C8orf34: variants seen among roughly 807,000 people sequenced by gnomAD.
The protein encoded by C8orf34 is chromosome 8 open reading frame 34.
In C8orf34, 65 loss-of-function variants were observed where a neutral mutation model predicts 68.3. That is an observed-to-expected ratio of 0.95 (90% CI 0.78 to 1.17). The LOEUF (loss-of-function observed/expected upper bound fraction) is 1.17. Among genes scored for constraint, C8orf34 ranks in the 50% most tolerant of loss-of-function variants. The probability of loss-of-function intolerance (pLI) is 0.00; values close to 1 mark genes in which losing one functional copy is unlikely to be tolerated. For synonymous variants in C8orf34, 244 were observed against 241.2 expected, an observed-to-expected ratio of 1.01 and a Z score of -0.11; for missense variants, 664 against 655.4, an observed-to-expected ratio of 1.01 and a Z score of -0.14.
At chr8:68,790,605 G>A (rs1406786407) in intron 12 of C8orf34, among the ~76,000 whole-genome samples, 2 of 151,124 alleles carry the variant, frequency 1.3e-5, no homozygotes, top group Non-Finnish European at 2.9e-5. Flanking sequence ...CTTTTTATAA[G>A]CAAGATAAGC....
At chr8:68,465,174 T>C (rs1812056490) in intron 3 of C8orf34, among the ~76,000 whole-genome samples, 1 of 151,950 alleles carries the variant, frequency 6.6e-6, no homozygotes, top group African/African-American at 2.4e-5. Context: ...AGAAGACAAT[T>C]ATGCAGCCAA....
chr8:68,434,219 T>A (rs933597843), intron 1 of C8orf34, among the ~76,000 whole-genome samples: 5 of 152,220 alleles, frequency 3.3e-5, no homozygotes, highest in Non-Finnish European at 5.9e-5. Flanking sequence ...GGTGATTTGC[T>A]GTACCTATCA....
At chr8:68,716,311 GA>G (rs1821471201) in intron 9 of C8orf34, among the ~76,000 whole-genome samples, 2 of 151,536 alleles carry the variant, frequency 1.3e-5, no homozygotes, top group South Asian at 2.1e-4. Flanking sequence ...AAAACCTATT[GA>G]AAAAAATTAA....
At chr8:68,764,711 T>G (rs7845019) in intron 10 of C8orf34, among the ~76,000 whole-genome samples, 60,331 of 151,906 alleles carry the variant, frequency 0.4, 13,342 homozygotes, top group African/African-American at 0.59. Flanking sequence ...GGGCCTCAGG[T>G]TTATTCAGTA....
At chr8:68,652,984 C>G (rs1404057655) in intron 8 of C8orf34, among the ~76,000 whole-genome samples, 1 of 152,076 alleles carries the variant, frequency 6.6e-6, no homozygotes, top group African/African-American at 2.4e-5. Context: ...CAAATTATAA[C>G]AGTGTTGTGT....
intron 10 of C8orf34, among the ~76,000 whole-genome samples, chr8:68,772,074 C>T (rs1823355905): frequency 6.6e-6 from 1 of 152,142 alleles, no homozygotes; most frequent in Non-Finnish European, 1.5e-5. Flanking sequence ...TCCCATTCTT[C>T]CATGGGTTCC....
rs543937317 is a variant in C8orf34 at position 68,371,605 on chromosome 8, T to C, written c.327+40266T>C. ...TGCCACTTACTTCATTTCTTTCTTT[T>C]TTTTTTTTTTTTGATACGGAGTCTC... On this transcript the variant is annotated intron_variant, in intron 1 of 13. Transcript: ENST00000518698. Among the ~76,000 whole-genome samples, 15 of 151,138 alleles carry C rather than the reference T, an allele frequency of 9.9e-5. No homozygotes were observed. In the East Asian group the frequency reaches 1.4e-3, roughly 14 times the overall value.
chr8:68,426,747 C>A (rs1475801926), intron 1 of C8orf34, among the ~76,000 whole-genome samples: 1 of 151,346 alleles, frequency 6.6e-6, no homozygotes, highest in Admixed American at 6.6e-5. Context: ...TGGGCACCTG[C>A]AATCCCAGCT....
intron 9 of C8orf34, among the ~76,000 whole-genome samples, chr8:68,717,215 C>T (rs1162288453): frequency 6.6e-6 from 1 of 151,918 alleles, no homozygotes; most frequent in Admixed American, 6.6e-5. Context: ...TTATAAAGCT[C>T]CAAAAAGCAA....
rs144758495 is a variant in C8orf34 at position 68,752,503 on chromosome 8, C to T, written c.1405-23896C>T. 3.9e-3 allele frequency among the ~76,000 whole-genome samples: 600 copies of T among 152,196 alleles called. 4 individuals are homozygous for T. Among genetic ancestry groups the T allele is most frequent in the African/African-American group, 0.014 (569 of 41,520 alleles). Reference sequence around the variant, plus strand: ...AATCAGCCCTATGGGAGGATTTATTCCACAGAAATCAACAAATGCTTTAAG... The same window carrying T: ...AATCAGCCCTATGGGAGGATTTATTTCACAGAAATCAACAAATGCTTTAAG... On this transcript the variant is annotated intron_variant, in intron 10 of 13. Coordinates refer to ENST00000518698, the MANE Select transcript of C8orf34 (RefSeq NM_052958.4).
At chr8:68,755,778 C>G (rs1822836388) in intron 10 of C8orf34, among the ~76,000 whole-genome samples, 1 of 152,042 alleles carries the variant, frequency 6.6e-6, no homozygotes, top group South Asian at 2.1e-4. Context: ...CTAAGAGTAA[C>G]TGGCCAGGCG....
chr8:68,780,841 CTT>C (rs1428452881), intron 11 of C8orf34, among the ~76,000 whole-genome samples: 1 of 152,114 alleles, frequency 6.6e-6, no homozygotes, highest in Non-Finnish European at 1.5e-5. Context: ...TATTTACAAA[CTT>C]TACAAATTTA....
At chr8:68,567,689 G>T (rs1816637472) in intron 7 of C8orf34, among the ~76,000 whole-genome samples, 1 of 134,420 alleles carries the variant, frequency 7.4e-6, no homozygotes, top group South Asian at 2.3e-4. Context: ...CCGCCTCCCG[G>T]GTTCTTGCCA....
At chr8:68,623,542 G>A (rs1251976451) in intron 7 of C8orf34, among the ~76,000 whole-genome samples, 3 of 152,148 alleles carry the variant, frequency 2.0e-5, no homozygotes, top group Non-Finnish European at 4.4e-5. Flanking sequence ...AGAAAATAAG[G>A]TGTAACATTT....
At chr8:68,675,226 A>G (rs544353579) in intron 8 of C8orf34, among the ~76,000 whole-genome samples, 1 of 152,322 alleles carries the variant, frequency 6.6e-6, no homozygotes, top group Non-Finnish European at 1.5e-5. Flanking sequence ...ATCTGAAGGT[A>G]CAAAACTTCA....
chr8:68,409,992 T>C (rs1461286649), intron 1 of C8orf34, among the ~76,000 whole-genome samples: 1 of 152,156 alleles, frequency 6.6e-6, no homozygotes, highest in African/African-American at 2.4e-5. Flanking sequence ...ACAGCCTAGG[T>C]GTGTAGTAGG....
chr8:68,549,854 C>A (rs897697827), intron 7 of C8orf34, among the ~76,000 whole-genome samples: 1 of 151,702 alleles, frequency 6.6e-6, no homozygotes, highest in Non-Finnish European at 1.5e-5. Flanking sequence ...CTAAGCCCCT[C>A]TTTTATCCCT....
At chr8:68,476,699 A>G (rs755998833) in intron 4 of C8orf34, among the ~76,000 whole-genome samples, 15 of 152,204 alleles carry the variant, frequency 9.9e-5, no homozygotes, top group Non-Finnish European at 1.9e-4. Flanking sequence ...TTATGTGGGC[A>G]GTTGAGTACA....
At chr8:68,707,207 C>T (rs534839044) in intron 8 of C8orf34, among the ~76,000 whole-genome samples, 146 of 152,214 alleles carry the variant, frequency 9.6e-4, no homozygotes, top group Admixed American at 2.9e-3. Context: ...GCAGAGTACT[C>T]GAGGATGGCA....
Sources: allele counts gnomAD v4.1 joint callset (sites outside exome capture counted in the v4.1 genomes callset), GRCh38; gene constraint gnomAD v4.1.1; transcripts MANE v1.5; gene names NCBI Gene and HGNC (gene_info 2026-07-23, HGNC 2026-07-21).